Variants in KLHL29 observed in about 807,000 individuals in gnomAD.
KLHL29 encodes kelch like family member 29.
A neutral mutation model predicts 80.4 loss-of-function variants in KLHL29; 21 were observed. The observed-to-expected ratio is 0.26, with a 90% CI of 0.19 to 0.38. KLHL29 has a LOEUF of 0.38. Ranked by LOEUF, KLHL29 falls within the 10% of genes least tolerant of loss-of-function variation. The pLI is 1.00. For missense variants in KLHL29, 867 were observed against 1,223.9 expected (o/e 0.71, Z 4.35); for synonymous variants, 511 against 526.8 (o/e 0.97, Z 0.41).
intron 5 of KLHL29, among the ~76,000 whole-genome samples, chr2:23,670,854 C>G (rs888199342): frequency 6.7e-6 from 1 of 149,424 alleles, no homozygotes; most frequent in African/African-American, 2.5e-5. Context: ...GGTCTTCCTC[C>G]TGGAAGACCA....
chr2:23,446,216 T>C (rs1307450995), intron 1 of KLHL29, among the ~76,000 whole-genome samples: 1 of 151,994 alleles, frequency 6.6e-6, no homozygotes, highest in Non-Finnish European at 1.5e-5. Flanking sequence ...TTTTTTTTTT[T>C]TTCTGGTGAA....
rs1418492705 is a variant in KLHL29 at position 23,647,206 on chromosome 2, C to G, written c.940+4356C>G. Among the ~76,000 whole-genome samples the G allele has an allele frequency of 2.0e-5, 3 of 152,182 alleles. No homozygotes were observed. The highest frequency in any genetic ancestry group is 2.0e-4 in the Admixed American group (3 of 15,286). On this transcript the variant is annotated intron_variant, in intron 5 of 13. Coordinates refer to ENST00000486442, the MANE Select transcript of KLHL29 (RefSeq NM_052920.2). The surrounding 1 kb of genome is among the most constrained non-coding windows in gnomAD (Gnocchi z 4.9). ...GGATGGCTCTCCCCAGGTGTGAGGC[C>G]TGGCACTGATCTCATCTCTCCTTGC...
rs1285737284 is a variant in KLHL29 at position 23,600,187 on chromosome 2, G to T, written c.285+37706G>T. Among the ~76,000 whole-genome samples, 4 of 152,208 alleles carry T rather than the reference G, an allele frequency of 2.6e-5. No individual in the cohort carries two copies. In the East Asian group the frequency reaches 5.8e-4, roughly 22 times the overall value. On this transcript the variant is annotated intron_variant, in intron 3 of 13. Coordinates refer to ENST00000486442, the MANE Select transcript of KLHL29 (RefSeq NM_052920.2). ...ATTTTTGACATAAAAATGTAGGCTGGTTCATAAAAGGTTGCAGTGACAATA... is the reference window on the plus strand; with the variant it reads ...ATTTTTGACATAAAAATGTAGGCTGTTTCATAAAAGGTTGCAGTGACAATA...
intron 1 of KLHL29, among the ~76,000 whole-genome samples, chr2:23,397,814 C>T (rs982665716): frequency 1.3e-5 from 2 of 152,236 alleles, no homozygotes; most frequent in South Asian, 2.1e-4. Context: ...TGAATAGACA[C>T]CTCTCCAGAG....
At chr2:23,478,126 C>G (rs751658351) in intron 2 of KLHL29, among the ~76,000 whole-genome samples, 44 of 152,176 alleles carry the variant, frequency 2.9e-4, no homozygotes, top group Non-Finnish European at 4.1e-4. Flanking sequence ...TCTTCCCTAG[C>G]ACTCGGCCAG....
chr2:23,533,256 G>A (rs1666556632), intron 2 of KLHL29, among the ~76,000 whole-genome samples: 1 of 152,188 alleles, frequency 6.6e-6, no homozygotes, highest in Non-Finnish European at 1.5e-5. Flanking sequence ...GCCTTCTGAT[G>A]TGGCTGCTTG....
At chr2:23,516,625 C>T (rs575200713) in intron 2 of KLHL29, among the ~76,000 whole-genome samples, 4 of 152,290 alleles carry the variant, frequency 2.6e-5, no homozygotes, top group African/African-American at 9.6e-5. Flanking sequence ...TTTGTCTCTA[C>T]AGGAAAATAC....
At chr2:23,529,030 C>T (rs949257905) in intron 2 of KLHL29, among the ~76,000 whole-genome samples, 2 of 152,320 alleles carry the variant, frequency 1.3e-5, no homozygotes, top group East Asian at 1.9e-4. Context: ...CACTAGAAAC[C>T]TCTCTTTGGG....
intron 3 of KLHL29, among the ~76,000 whole-genome samples, chr2:23,602,070 G>C (rs1327195803): frequency 6.6e-6 from 1 of 152,180 alleles, no homozygotes; most frequent in African/African-American, 2.4e-5. Flanking sequence ...GAAGGGGCAG[G>C]GGACACAGCA....
intron 2 of KLHL29, among the ~76,000 whole-genome samples, chr2:23,557,435 C>T (rs559417221): frequency 1.3e-5 from 2 of 152,090 alleles, no homozygotes; most frequent in Non-Finnish European, 2.9e-5. Context: ...TTTGAGTACA[C>T]GTAATGAGGC....
At chr2:23,570,177 C>T (rs923643318) in intron 3 of KLHL29, among the ~76,000 whole-genome samples, 1 of 152,198 alleles carries the variant, frequency 6.6e-6, no homozygotes, top group African/African-American at 2.4e-5. Context: ...GCGAGTGGGC[C>T]AGGCATCTGT....
chr2:23,562,180 C>T lies in KLHL29; in HGVS notation c.-17C>T, dbSNP rs1416639621. On this transcript the variant is annotated 5_prime_UTR_variant, in exon 3 of 14. Coordinates refer to ENST00000486442, the MANE Select transcript of KLHL29 (RefSeq NM_052920.2). This position sits in a 1 kb window ranked among gnomAD's most constrained non-coding sequence, Gnocchi z 4.5. ...CGGGCTCTGTTTCCCTGTGAGAAGC[C>T]GCCTCGGCCCACCGAGATGTCCCGG... 14 of 1,538,156 alleles carry T rather than the reference C, an allele frequency of 9.1e-6. No individual in the cohort carries two copies. In the Admixed American group the frequency reaches 1.0e-4, roughly 11 times the overall value.
At chr2:23,702,291 T>TA (rs1334014992) in intron 11 of KLHL29, among the ~76,000 whole-genome samples, 1 of 152,202 alleles carries the variant, frequency 6.6e-6, no homozygotes, top group Non-Finnish European at 1.5e-5. Context: ...TCAGCCAGCT[T>TA]ACCTTAAACA....
chr2:23,398,906 G>A (rs1337433220), intron 1 of KLHL29, among the ~76,000 whole-genome samples: 1 of 152,144 alleles, frequency 6.6e-6, no homozygotes, highest in Non-Finnish European at 1.5e-5. Context: ...TACAGGCCCT[G>A]GCATCTTGTC....
At chr2:23,395,322 A>G (rs55835356) in intron 1 of KLHL29, among the ~76,000 whole-genome samples, 6,562 of 152,218 alleles carry the variant, frequency 0.043, 177 homozygotes, top group Middle Eastern at 0.1. Context: ...CGCTGCTGCT[A>G]TTGATTTGTC....
At chr2:23,538,318 G>T (rs755653801) in intron 2 of KLHL29, among the ~76,000 whole-genome samples, 2 of 152,212 alleles carry the variant, frequency 1.3e-5, no homozygotes, top group East Asian at 3.8e-4. Flanking sequence ...GATGCCTGAC[G>T]TCAGTTTCAC....
intron 1 of KLHL29, among the ~76,000 whole-genome samples, chr2:23,449,931 C>T (rs1663821844): frequency 6.6e-6 from 1 of 152,202 alleles, no homozygotes; most frequent in Non-Finnish European, 1.5e-5. Context: ...ATCATCTGTT[C>T]TTTTGGCTGG....
intron 2 of KLHL29, among the ~76,000 whole-genome samples, chr2:23,484,557 T>A (rs1295300659): frequency 6.6e-6 from 1 of 152,172 alleles, no homozygotes; most frequent in Admixed American, 6.5e-5. Context: ...AGACATTCTG[T>A]CCAGGCCCTT....
intron 5 of KLHL29, among the ~76,000 whole-genome samples, chr2:23,645,520 A>G (rs546084571): frequency 5.3e-5 from 8 of 152,212 alleles, no homozygotes; most frequent in Non-Finnish European, 1.0e-4. Context: ...CAGCATTATA[A>G]TAAGATCCAC....
Sources: gnomAD v4.1 joint callset for allele counts (sites outside exome capture counted in the v4.1 genomes callset) on GRCh38, gnomAD v4.1.1 for gene constraint, Gnocchi (gnomAD v3.1) non-coding constraint, MANE v1.5 for transcripts, NCBI Gene and HGNC (gene_info 2026-07-23, HGNC 2026-07-21) for gene names.